The following KIAA1328 variants were observed in gnomAD, a reference collection of about 807,000 sequenced individuals.
KIAA1328 encodes protein hinderin.
Under a neutral mutation model 68.1 loss-of-function variants are expected in KIAA1328, and 52 were observed. The ratio of observed to expected loss-of-function variants is 0.76; its 90% CI spans 0.61 to 0.96. KIAA1328 has a LOEUF of 0.96. KIAA1328 is among the 40% of genes least tolerant of loss of function. The probability of loss-of-function intolerance (pLI) is 0.00; values close to 1 mark genes in which losing one functional copy is unlikely to be tolerated. For missense variants in KIAA1328, 641 were observed against 677.6 expected (o/e 0.95, Z 0.60); for synonymous variants, 232 against 239.4 (o/e 0.97, Z 0.28).
At chr18:37,193,494 C>A in intron 9 of KIAA1328, 1 of 653,240 alleles carries the variant, frequency 1.5e-6, no homozygotes, top group Admixed American at 2.4e-5. Context: ...CTTTGAGACT[C>A]AGGAAAAACT....
chr18:37,169,499 TTGTG>T, intron 8 of KIAA1328, among the ~76,000 whole-genome samples: 1 of 151,898 alleles, frequency 6.6e-6, no homozygotes, highest in South Asian at 2.1e-4. Context: ...TATGTTGTTA[TTGTG>T]TGTGTGTGTC....
At chr18:37,104,609 A>G (rs1470767427) in intron 7 of KIAA1328, among the ~76,000 whole-genome samples, 1 of 152,190 alleles carries the variant, frequency 6.6e-6, no homozygotes, top group Non-Finnish European at 1.5e-5. Context: ...GCTATGGTTA[A>G]CAATAATTTA....
intron 7 of KIAA1328, among the ~76,000 whole-genome samples, chr18:37,146,395 T>C (rs2058902055): frequency 6.6e-6 from 1 of 152,208 alleles, no homozygotes; most frequent in African/African-American, 2.4e-5. Flanking sequence ...TCCAGCTCCA[T>C]CCATGTTCCC....
chr18:37,128,702 T>C (rs2058451024), intron 7 of KIAA1328, among the ~76,000 whole-genome samples: 1 of 152,200 alleles, frequency 6.6e-6, no homozygotes, highest in Non-Finnish European at 1.5e-5. Flanking sequence ...TGTACATGAA[T>C]ATTCATAGCA....
At chr18:37,175,405 G>C (rs1263403746) in intron 9 of KIAA1328, among the ~76,000 whole-genome samples, 1 of 152,120 alleles carries the variant, frequency 6.6e-6, no homozygotes, top group African/African-American at 2.4e-5. Context: ...GCTGTGAAGA[G>C]TCATATTTAC....
chr18:37,046,224 C>T (rs1360746412), intron 6 of KIAA1328, among the ~76,000 whole-genome samples: 1 of 152,042 alleles, frequency 6.6e-6, no homozygotes, highest in Admixed American at 6.5e-5. Context: ...ATTTCAACAG[C>T]CATAAATTAT....
chr18:36,841,995 A>T (rs2046875012), intron 3 of KIAA1328, among the ~76,000 whole-genome samples: 1 of 146,282 alleles, frequency 6.8e-6, no homozygotes, highest in Admixed American at 6.8e-5. Flanking sequence ...GTTATATTTC[A>T]TTTCTTTTCA....
chr18:37,083,757 G>GT (rs1426538785), intron 7 of KIAA1328, among the ~76,000 whole-genome samples: 1 of 152,160 alleles, frequency 6.6e-6, no homozygotes, highest in Non-Finnish European at 1.5e-5. Flanking sequence ...GATAATTAGA[G>GT]TTACTAGAAT....
intron 7 of KIAA1328, among the ~76,000 whole-genome samples, chr18:37,092,712 C>T (rs1241770380): frequency 6.6e-6 from 1 of 152,134 alleles, no homozygotes; most frequent in Non-Finnish European, 1.5e-5. Context: ...CAAGGACTGG[C>T]CTGCTCAGCC....
At chr18:36,853,477 T>C (rs1287438217) in intron 4 of KIAA1328, among the ~76,000 whole-genome samples, 1 of 152,102 alleles carries the variant, frequency 6.6e-6, no homozygotes, top group Admixed American at 6.6e-5. Context: ...TAAAGTTATT[T>C]TCTTAGTGGT....
chr18:36,829,173 CCGCGGCGTTCTGGAGCCGGGA>C lies in KIAA1328; in HGVS notation c.37_57del (p.Ala13_Asp19del). 6.5e-7 allele frequency: 1 copy of C among 1,532,838 alleles called. No homozygotes were observed. The highest frequency in any genetic ancestry group is 8.8e-7 in the Non-Finnish European group (1 of 1,142,296). The allele number at this position is 1,532,838 out of a possible 1,614,324, so 95.0% of individuals were successfully genotyped here. A position where few individuals can be genotyped will look rare whatever the true frequency, so the allele number is the denominator to read the frequency against. ...GTGGCGGGCCCCTCCCGCCCCAGTGCCGCGGCGTTCTGGAGCCGGGACTGTATCCTTTGCCCGCCTGACAGG... is the reference window on the plus strand; with the variant it reads ...GTGGCGGGCCCCTCCCGCCCCAGTGCCTGTATCCTTTGCCCGCCTGACAGG... On this transcript the variant is annotated inframe_deletion and splice_region_variant, in exon 1 of 10. Coordinates refer to ENST00000280020, the MANE Select transcript of KIAA1328 (RefSeq NM_020776.3).
chr18:37,143,199 C>T (rs1049798277), intron 7 of KIAA1328, among the ~76,000 whole-genome samples: 3 of 152,196 alleles, frequency 2.0e-5, no homozygotes, highest in African/African-American at 2.4e-5. Context: ...AAGTAATCTC[C>T]CTGCCCTGGC....
rs1246318515 is a variant in KIAA1328 at position 36,885,683 on chromosome 18, G to C, written c.448+11G>C. ...TCAAAGAAAGGGAAGATATCCTTTT[G>C]AAAGTTCTCTTTTTTAACGTTCAAG... On this transcript the variant is annotated intron_variant, in intron 5 of 9. Coordinates refer to ENST00000280020, the MANE Select transcript of KIAA1328 (RefSeq NM_020776.3). 1 of 1,468,642 alleles carries C rather than the reference G, an allele frequency of 6.8e-7. No individual in the cohort carries two copies. Among genetic ancestry groups the C allele is most frequent in the East Asian group, 2.4e-5 (1 of 42,028 alleles). 91.0% of individuals were successfully genotyped at this position (1,468,642 alleles called of 1,614,324 possible).
chr18:37,106,740 A>G (rs1488030925), intron 7 of KIAA1328, among the ~76,000 whole-genome samples: 2 of 152,204 alleles, frequency 1.3e-5, no homozygotes, highest in African/African-American at 4.8e-5. Flanking sequence ...GGTGAATTTC[A>G]TGGTATATAA....
At chr18:36,876,038 CT>C in intron 4 of KIAA1328, among the ~76,000 whole-genome samples, 1 of 152,064 alleles carries the variant, frequency 6.6e-6, no homozygotes, top group East Asian at 1.9e-4. Context: ...GGTGGATAAG[CT>C]TTTTAATGTG....
At chr18:37,143,041 G>A (rs888432434) in intron 7 of KIAA1328, among the ~76,000 whole-genome samples, 3 of 148,568 alleles carry the variant, frequency 2.0e-5, no homozygotes, top group African/African-American at 7.4e-5. Flanking sequence ...TGCAACCTCC[G>A]CCTCCCAGGC....
chr18:37,214,266 G>C (rs943311189), intron 9 of KIAA1328, among the ~76,000 whole-genome samples: 8 of 152,018 alleles, frequency 5.3e-5, no homozygotes, highest in African/African-American at 1.9e-4. Context: ...TTTCTTCTAG[G>C]GTTTTTATGG....
intron 5 of KIAA1328, among the ~76,000 whole-genome samples, chr18:36,893,563 C>T (rs1021120955): frequency 2.6e-5 from 4 of 151,080 alleles, no homozygotes; most frequent in Admixed American, 2.6e-4. Flanking sequence ...CTCAAGTGAT[C>T]CTCCCGTCTT....
intron 6 of KIAA1328, among the ~76,000 whole-genome samples, chr18:36,997,710 C>G (rs184147125): frequency 6.6e-6 from 1 of 152,140 alleles, no homozygotes; most frequent in African/African-American, 2.4e-5. Flanking sequence ...TACTGAGACT[C>G]GGGCAAGAGC....
Sources: allele counts gnomAD v4.1 joint callset (sites outside exome capture counted in the v4.1 genomes callset), GRCh38; gene constraint gnomAD v4.1.1; transcripts MANE v1.5; gene names NCBI Gene and HGNC (gene_info 2026-07-23, HGNC 2026-07-21).